The following SOX5 variants were observed in gnomAD, a reference collection of about 807,000 sequenced individuals.
The protein encoded by SOX5 is SRY-box transcription factor 5, also known as transcription factor SOX-5.
Under a neutral mutation model 92.0 loss-of-function variants are expected in SOX5, and 9 were observed. That is an observed-to-expected ratio of 0.10 (90% confidence interval 0.06 to 0.17). SOX5 has a LOEUF of 0.17. SOX5 is among the 10% of genes least tolerant of loss of function. SOX5 has a pLI of 1.00. For synonymous variants in SOX5, 344 were observed against 336.3 expected (o/e 1.02, Z -0.25); for missense variants, 642 against 944.5 (o/e 0.68, Z 4.20).
chr12:23,993,894 T>A (rs1950788122), intron 4 of SOX5, among the ~76,000 whole-genome samples: 1 of 151,852 alleles, frequency 6.6e-6, no homozygotes, highest in Non-Finnish European at 1.5e-5. Flanking sequence ...TATGTATGTA[T>A]GTATGTATGT....
intron 4 of SOX5, among the ~76,000 whole-genome samples, chr12:24,121,567 C>CTTTTT (rs11286069): frequency 1.9e-5 from 2 of 106,000 alleles, no homozygotes; most frequent in South Asian, 3.2e-4. Context: ...AAATGGCTAA[C>CTTTTT]TTTTTTTTTT....
intron 4 of SOX5, among the ~76,000 whole-genome samples, chr12:24,150,825 G>A (rs1429723194): frequency 4.6e-5 from 7 of 151,954 alleles, no homozygotes; most frequent in Non-Finnish European, 7.4e-5. Flanking sequence ...CTGGGGTCTT[G>A]GTTAGAACAG....
At chr12:23,575,861 A>C in intron 9 of SOX5, 23 bp from the exon 10 acceptor site, 2 of 1,509,518 alleles carry the variant, frequency 1.3e-6, no homozygotes, top group Non-Finnish European at 1.8e-6. Flanking sequence ...TTAGAACATG[A>C]GCTGTGATAA....
At chr12:24,332,885 A>T (rs1199619424) in intron 2 of SOX5, among the ~76,000 whole-genome samples, 2 of 152,268 alleles carry the variant, frequency 1.3e-5, no homozygotes, top group East Asian at 1.9e-4. Context: ...GAAAATAAAC[A>T]TTGTAAACTG....
intron 4 of SOX5, among the ~76,000 whole-genome samples, chr12:24,160,434 G>T (rs988863239): frequency 2.0e-5 from 3 of 151,940 alleles, no homozygotes; most frequent in African/African-American, 7.2e-5. Context: ...CATTTACATT[G>T]CATTCTATAT....
intron 1 of SOX5, among the ~76,000 whole-genome samples, chr12:24,537,986 G>T (rs1415740923): frequency 6.6e-6 from 1 of 152,040 alleles, no homozygotes; most frequent in Non-Finnish European, 1.5e-5. Flanking sequence ...TGAAGTTTTC[G>T]ATGTAAGACA....
At chr12:24,302,465 CAG>C (rs1172141380) in intron 2 of SOX5, among the ~76,000 whole-genome samples, 1 of 152,112 alleles carries the variant, frequency 6.6e-6, no homozygotes, top group East Asian at 1.9e-4. Context: ...AAAACATTTT[CAG>C]AGAGTTTCAA....
At chr12:23,806,840 A>T (rs1481099558) in intron 3 of SOX5, among the ~76,000 whole-genome samples, 1 of 152,216 alleles carries the variant, frequency 6.6e-6, no homozygotes, top group Non-Finnish European at 1.5e-5. Context: ...TCATGCCTAC[A>T]ATAGGCAGGA....
At chr12:23,651,117 G>A (rs11047024) in intron 7 of SOX5, among the ~76,000 whole-genome samples, 4,250 of 152,006 alleles carry the variant, frequency 0.028, 87 homozygotes, top group African/African-American at 0.053. Flanking sequence ...TTCCCTCATC[G>A]TTTTTGAATA....
intron 4 of SOX5, among the ~76,000 whole-genome samples, chr12:23,977,637 G>A (rs4280086): frequency 0.31 from 45,792 of 146,082 alleles, 7,934 homozygotes; most frequent in Middle Eastern, 0.42. Flanking sequence ...CACTCCAGCC[G>A]CCTGGTCGAG....
At chr12:23,572,433 G>A (rs1321988774) in intron 10 of SOX5, among the ~76,000 whole-genome samples, 1 of 142,650 alleles carries the variant, frequency 7.0e-6, no homozygotes, top group African/African-American at 2.5e-5. Context: ...TGAGGGATGT[G>A]TATGTGGTGA....
chr12:24,068,005 C>T (rs920627649), intron 4 of SOX5, among the ~76,000 whole-genome samples: 7 of 151,968 alleles, frequency 4.6e-5, no homozygotes, highest in African/African-American at 1.2e-4. Context: ...ATTAGCCAGG[C>T]GTGGTGGTGT....
intron 1 of SOX5, among the ~76,000 whole-genome samples, chr12:24,442,638 G>T (rs1343812989): frequency 6.6e-6 from 1 of 152,214 alleles, no homozygotes; most frequent in Non-Finnish European, 1.5e-5. Context: ...GCAAGTCATT[G>T]ATTTAACTGA....
chr12:24,011,427 C>T (rs1952922226), intron 4 of SOX5, among the ~76,000 whole-genome samples: 1 of 152,146 alleles, frequency 6.6e-6, no homozygotes, highest in Admixed American at 6.6e-5. Flanking sequence ...CCCATTGTGA[C>T]TAAAATTTTC....
chr12:24,346,766 A>G (rs1221097386), intron 2 of SOX5, among the ~76,000 whole-genome samples: 1 of 152,040 alleles, frequency 6.6e-6, no homozygotes, highest in Non-Finnish European at 1.5e-5. Flanking sequence ...TTTAATTGAC[A>G]AAATTTGTAA....
chr12:24,095,139 AG>A lies in SOX5; in HGVS notation c.-2+118203del, dbSNP rs1340282490. Among the ~76,000 whole-genome samples the A allele has an allele frequency of 3.4e-3, 469 of 136,850 alleles. 1 individual carries two copies. The highest frequency in any genetic ancestry group is 0.011 in the African/African-American group (450 of 40,194). The allele number at this position is 136,850 out of a possible 152,430, so 89.8% of individuals were successfully genotyped here. ...CACACACACACACACAGAGAGAGAG[AG>A]AGAGAGAGAGAGAGAGACAGAGACA... On this transcript the variant is annotated intron_variant, in intron 4 of 4. Coordinates refer to the SOX5 transcript ENST00000446891.
At chr12:24,271,841 C>T (rs983494409) in intron 3 of SOX5, among the ~76,000 whole-genome samples, 5 of 152,130 alleles carry the variant, frequency 3.3e-5, no homozygotes, top group Non-Finnish European at 7.4e-5. Flanking sequence ...TGCAGGAATG[C>T]CATACTTTCT....
intron 4 of SOX5, among the ~76,000 whole-genome samples, chr12:24,036,950 A>G (rs1956099757): frequency 6.6e-6 from 1 of 152,152 alleles, no homozygotes; most frequent in African/African-American, 2.4e-5. Flanking sequence ...ATTCAGCAGG[A>G]TAACTGTAAG....
At chr12:24,557,637 TA>T (rs1417079604) in intron 1 of SOX5, among the ~76,000 whole-genome samples, 4 of 152,232 alleles carry the variant, frequency 2.6e-5, no homozygotes, top group East Asian at 1.9e-4. Flanking sequence ...CGTATCAAAC[TA>T]AAGTCCGCTC....
Sources: gnomAD v4.1 joint callset for allele counts (sites outside exome capture counted in the v4.1 genomes callset) on GRCh38, gnomAD v4.1.1 for gene constraint, MANE v1.5 for transcripts, NCBI Gene and HGNC (gene_info 2026-07-23, HGNC 2026-07-21) for gene names.